The following CSNK1G1 variants were observed in gnomAD, a reference collection of about 807,000 sequenced individuals.
CSNK1G1 encodes the protein casein kinase 1 gamma 1.
In CSNK1G1, 22 loss-of-function variants were observed where a neutral mutation model predicts 59.6. That is an observed-to-expected ratio of 0.37 (90% confidence interval 0.26 to 0.53). CSNK1G1 has a LOEUF of 0.53. Among genes scored for constraint, CSNK1G1 ranks in the 20% least tolerant of loss-of-function variants. The pLI is 0.89. For missense variants in CSNK1G1, 384 were observed against 519.5 expected (o/e 0.74, Z 2.54); for synonymous variants, 179 against 177.1 (o/e 1.01, Z -0.08).
chr15:64,273,730 T>TA (rs780466407), intron 2 of CSNK1G1, among the ~76,000 whole-genome samples: 6,366 of 108,888 alleles, frequency 0.058, 196 homozygotes, highest in Middle Eastern at 0.1. Flanking sequence ...GCTGATGAGC[T>TA]AAAAAAAAAA....
chr15:64,290,896 T>C (rs1894701847), intron 2 of CSNK1G1, among the ~76,000 whole-genome samples: 1 of 152,282 alleles, frequency 6.6e-6, no homozygotes, highest in South Asian at 2.1e-4. Context: ...GTATTTTCAG[T>C]AGAGACGGGG....
chr15:64,206,554 C>G (rs2082183563), intron 7 of CSNK1G1, among the ~76,000 whole-genome samples: 1 of 128,112 alleles, frequency 7.8e-6, no homozygotes, highest in Non-Finnish European at 1.6e-5. Flanking sequence ...TTGCAGCGAG[C>G]CCAGCCTGGG....
At chr15:64,290,083 G>A (rs1289110505) in intron 2 of CSNK1G1, among the ~76,000 whole-genome samples, 1 of 152,122 alleles carries the variant, frequency 6.6e-6, no homozygotes, top group Admixed American at 6.6e-5. Context: ...TGGGTGCAGA[G>A]AAGAGAGAAC....
intron 2 of CSNK1G1, among the ~76,000 whole-genome samples, chr15:64,270,012 G>T (rs1028088669): frequency 3.3e-5 from 5 of 151,980 alleles, no homozygotes; most frequent in Non-Finnish European, 7.4e-5. Flanking sequence ...TCGCCATACT[G>T]GCCAGGCTGG....
intron 2 of CSNK1G1, among the ~76,000 whole-genome samples, chr15:64,290,643 T>C (rs1021282570): frequency 5.9e-5 from 9 of 152,178 alleles, no homozygotes; most frequent in African/African-American, 1.9e-4. Flanking sequence ...ATTCAGGTGA[T>C]AGTTACACAA....
Position 64,200,665 on chromosome 15 carries a change from C to T in CSNK1G1, c.1107+2417G>A, listed in dbSNP as rs978190591. On this transcript the variant is annotated intron_variant, in intron 10 of 11. Coordinates refer to ENST00000303052, the MANE Select transcript of CSNK1G1 (RefSeq NM_022048.5). This position sits in a 1 kb window ranked among gnomAD's most constrained non-coding sequence, Gnocchi z 4.3. ...CTGGCCGCATTATAGAGTAATAAAA[C>T]TTCATTTAAAATATTTTAGAATATA... Among the ~76,000 whole-genome samples the T allele has an allele frequency of 1.3e-5, 2 of 152,130 alleles. No homozygotes were observed. The highest frequency in any genetic ancestry group is 2.4e-5 in the African/African-American group (1 of 41,442).
In CSNK1G1 at chr15:64,214,822, A is replaced by G. The variant is rs908111500; in HGVS notation, c.445-698T>C. ...CCTGGCTAATTTTTGTATTTTTAGT[A>G]GAGACAGGGTTTCACCATGTTGGCC... On this transcript the variant is annotated intron_variant, in intron 5 of 11. Transcript: ENST00000303052. The surrounding 1 kb of genome is among the most constrained non-coding windows in gnomAD (Gnocchi z 4.3). Among the ~76,000 whole-genome samples the G allele has an allele frequency of 7.3e-5, 11 of 149,876 alleles. No individual in the cohort carries two copies. Among genetic ancestry groups the G allele is most frequent in the Non-Finnish European group, 1.6e-4 (11 of 67,434 alleles).
At chr15:64,181,625 G>A in intron 10 of CSNK1G1, 2 of 525,914 alleles carry the variant, frequency 3.8e-6, no homozygotes, top group South Asian at 2.9e-5. Context: ...GCCCTAATCA[G>A]CCCTAAGTTT....
chr15:64,248,576 C>G (rs923941899), intron 4 of CSNK1G1, among the ~76,000 whole-genome samples: 1 of 151,902 alleles, frequency 6.6e-6, no homozygotes, highest in Non-Finnish European at 1.5e-5. Flanking sequence ...GAGAGTGGGA[C>G]CAATATGCAA....
chr15:64,291,901 T>G (rs1175047870), intron 2 of CSNK1G1, among the ~76,000 whole-genome samples: 1 of 151,862 alleles, frequency 6.6e-6, no homozygotes, highest in Non-Finnish European at 1.5e-5. Context: ...TAGCAGAAGT[T>G]AAAAGTTCCA....
chr15:64,270,616 C>T (rs1396137203), intron 2 of CSNK1G1, among the ~76,000 whole-genome samples: 19 of 151,904 alleles, frequency 1.3e-4, no homozygotes, highest in Admixed American at 1.0e-3. Context: ...AAAAATTAGC[C>T]GGGCGTGGTG....
intron 2 of CSNK1G1, among the ~76,000 whole-genome samples, chr15:64,299,435 A>G (rs1014008720): frequency 6.6e-6 from 1 of 151,814 alleles, no homozygotes; most frequent in East Asian, 1.9e-4. Flanking sequence ...AAAAATACAA[A>G]AACAAAATTA....
At chr15:64,265,071 A>G (rs1892906449) in intron 2 of CSNK1G1, among the ~76,000 whole-genome samples, 1 of 152,230 alleles carries the variant, frequency 6.6e-6, no homozygotes, top group Non-Finnish European at 1.5e-5. Context: ...GAGGAAATCA[A>G]ACTGTTCCTG....
At chr15:64,316,494 C>G (rs1015156766) in intron 1 of CSNK1G1, among the ~76,000 whole-genome samples, 1 of 136,870 alleles carries the variant, frequency 7.3e-6, no homozygotes, top group Admixed American at 8.3e-5. Context: ...TGAAATCATG[C>G]CACTGTTCTC....
intron 10 of CSNK1G1, among the ~76,000 whole-genome samples, chr15:64,190,273 G>A (rs535691420): frequency 2.6e-5 from 4 of 152,134 alleles, no homozygotes; most frequent in African/African-American, 9.6e-5. Flanking sequence ...ATAAATGAGG[G>A]GTTTGATTTT....
Position 64,204,590 on chromosome 15 carries a change from C to T in CSNK1G1, c.851-1G>A, listed in dbSNP as rs1188361861. ...TATCGAAGGTAGGTTGCCATCTCCT[C>T]TGTTAGGAAAGAGATGAAAGGCCCT... is the stretch of plus-strand genomic sequence containing the variant. On this transcript the variant is annotated splice_acceptor_variant, in intron 8 of 11. Transcript: ENST00000303052. LOFTEE classifies it high-confidence loss of function. 1 of 1,612,548 alleles carries T rather than the reference C, an allele frequency of 6.2e-7. No individual in the cohort carries two copies. Among genetic ancestry groups the T allele is most frequent in the Admixed American group, 1.7e-5 (1 of 59,624 alleles).
Position 64,165,748 on chromosome 15 carries a change from A to T in CSNK1G1, c.*6183T>A. 1 of 326,056 alleles carries T rather than the reference A, an allele frequency of 3.1e-6. No homozygotes were observed. Among genetic ancestry groups the T allele is most frequent in the Non-Finnish European group, 5.5e-6 (1 of 180,758 alleles). 20.2% of individuals were successfully genotyped at this position (326,056 alleles called of 1,614,324 possible). On this transcript the variant is annotated 3_prime_UTR_variant, in exon 12 of 12. Transcript: ENST00000303052. ...CAAGCAGAAGTAGCCAAGAAAGGTAAGACATTTTATTTTACATACAAAAAG... is the reference window on the plus strand; with the variant it reads ...CAAGCAGAAGTAGCCAAGAAAGGTATGACATTTTATTTTACATACAAAAAG...
chr15:64,183,807 C>T (rs1331524266), intron 10 of CSNK1G1, among the ~76,000 whole-genome samples: 1 of 150,340 alleles, frequency 6.7e-6, no homozygotes, highest in Non-Finnish European at 1.5e-5. Flanking sequence ...GTGATCTTGG[C>T]TCACTGCAAC....
At chr15:64,231,456 CAT>C (rs1163160077) in intron 4 of CSNK1G1, among the ~76,000 whole-genome samples, 1 of 146,686 alleles carries the variant, frequency 6.8e-6, no homozygotes, top group African/African-American at 2.6e-5. Context: ...TACACACACA[CAT>C]ATACATATAT....
Sources: gnomAD v4.1 joint callset for allele counts (sites outside exome capture counted in the v4.1 genomes callset) on GRCh38, gnomAD v4.1.1 for gene constraint, Gnocchi (gnomAD v3.1) non-coding constraint, MANE v1.5 for transcripts, NCBI Gene and HGNC (gene_info 2026-07-23, HGNC 2026-07-21) for gene names.